SAMTOR: variants seen among roughly 807,000 people sequenced by gnomAD.
The protein encoded by SAMTOR is UPF0532 protein C7orf60.
chr7:112,882,852 T>C, the SAMTOR span, among the ~76,000 whole-genome samples: 1 of 149,470 alleles, frequency 6.7e-6, no homozygotes. Flanking sequence ...TCACCTCCAA[T>C]ATTAAAAAGT....
the SAMTOR span, chr7:112,832,664 G>T: frequency 1.3e-6 from 2 of 1,597,204 alleles, no homozygotes; most frequent in Non-Finnish European, 1.7e-6. Flanking sequence ...TTTTCCTGAG[G>T]CTTGTAGCAA....
the SAMTOR span, among the ~76,000 whole-genome samples, chr7:112,879,230 C>A: frequency 1.3e-5 from 2 of 149,434 alleles, no homozygotes; most frequent in East Asian, 2.0e-4. Flanking sequence ...GAGGTCTGAA[C>A]TGAAGACAGA....
chr7:112,918,133 GA>G, the SAMTOR span, among the ~76,000 whole-genome samples: 3 of 152,102 alleles, frequency 2.0e-5, no homozygotes, highest in African/African-American at 7.2e-5. Context: ...GCAACTCCAA[GA>G]CACATAGTTG....
chr7:112,917,430 C>T, the SAMTOR span, among the ~76,000 whole-genome samples: 1 of 152,196 alleles, frequency 6.6e-6, no homozygotes, highest in African/African-American at 2.4e-5. Context: ...AGGACATCCA[C>T]ACCAAAAACC....
At chr7:112,933,468 C>G in the SAMTOR span, among the ~76,000 whole-genome samples, 3 of 152,168 alleles carry the variant, frequency 2.0e-5, no homozygotes, top group East Asian at 5.8e-4. Context: ...GCTCCTTACA[C>G]AGTGGTGCAG....
chr7:112,897,528 T>C, the SAMTOR span, among the ~76,000 whole-genome samples: 2 of 152,150 alleles, frequency 1.3e-5, no homozygotes, highest in African/African-American at 2.4e-5. Flanking sequence ...CATAGAATAA[T>C]GACAATCATC....
chr7:112,928,861 C>G, the SAMTOR span, among the ~76,000 whole-genome samples: 2 of 151,796 alleles, frequency 1.3e-5, no homozygotes, highest in African/African-American at 2.4e-5. Context: ...AGCTGACAGT[C>G]CAGTCATATC....
chr7:112,907,039 C>T, the SAMTOR span, among the ~76,000 whole-genome samples: 8 of 152,020 alleles, frequency 5.3e-5, no homozygotes, highest in East Asian at 1.4e-3. Flanking sequence ...ACCAAGAAAA[C>T]CCTGAAAAAG....
chr7:112,904,384 CAAG>C, the SAMTOR span, among the ~76,000 whole-genome samples: 1 of 151,872 alleles, frequency 6.6e-6, no homozygotes, highest in Non-Finnish European at 1.5e-5. Context: ...TAACCAAAAA[CAAG>C]AAATCCATTC....
chr7:112,857,616 A>G, the SAMTOR span, among the ~76,000 whole-genome samples: 1 of 152,350 alleles, frequency 6.6e-6, no homozygotes, highest in African/African-American at 2.4e-5. Flanking sequence ...AAAATGAAAA[A>G]GTTTCAGAGC....
the SAMTOR span, among the ~76,000 whole-genome samples, chr7:112,911,094 C>T: frequency 2.0e-5 from 3 of 152,078 alleles, no homozygotes; most frequent in Admixed American, 2.0e-4. Context: ...AGGGAAATGG[C>T]AGAGCTTTTA....
the SAMTOR span, among the ~76,000 whole-genome samples, chr7:112,937,061 A>C: frequency 6.6e-6 from 1 of 152,224 alleles, no homozygotes; most frequent in Non-Finnish European, 1.5e-5. Flanking sequence ...TTATCTGTAA[A>C]ATGAAGAAGC....
the SAMTOR span, among the ~76,000 whole-genome samples, chr7:112,855,256 A>G: frequency 6.6e-6 from 1 of 152,232 alleles, no homozygotes; most frequent in Non-Finnish European, 1.5e-5. Context: ...ATACAATGGA[A>G]ATATATACTA....
At chr7:112,839,850 C>T in the SAMTOR span, among the ~76,000 whole-genome samples, 2 of 151,782 alleles carry the variant, frequency 1.3e-5, no homozygotes, top group African/African-American at 4.8e-5. Flanking sequence ...TATTTTCCTA[C>T]TAAATCACAC....
the SAMTOR span, among the ~76,000 whole-genome samples, chr7:112,921,045 C>T: frequency 3.3e-5 from 5 of 152,232 alleles, no homozygotes; most frequent in South Asian, 2.1e-4. Context: ...AGATTCAATG[C>T]CATCCCCATC....
the SAMTOR span, among the ~76,000 whole-genome samples, chr7:112,837,391 T>C: frequency 6.6e-6 from 1 of 152,066 alleles, no homozygotes; most frequent in East Asian, 1.9e-4. Context: ...ACAGAGATAG[T>C]TGGACTTCTC....
the SAMTOR span, among the ~76,000 whole-genome samples, chr7:112,842,443 C>T: frequency 1.8e-4 from 28 of 151,926 alleles, no homozygotes; most frequent in African/African-American, 6.8e-4. Context: ...TCAACAGAAG[C>T]TTTGTGCTTT....
the SAMTOR span, among the ~76,000 whole-genome samples, chr7:112,843,396 A>T: frequency 6.6e-6 from 1 of 152,050 alleles, no homozygotes; most frequent in African/African-American, 2.4e-5. Context: ...AGTGATGAGA[A>T]TAAGTATTCT....
chr7:112,821,918 T>C, the SAMTOR span: 1 of 1,612,998 alleles, frequency 6.2e-7, no homozygotes, highest in Non-Finnish European at 8.5e-7. Context: ...ATTCCTCATC[T>C]TCTATACTGT....
Sources: allele counts gnomAD v4.1 joint callset (sites outside exome capture counted in the v4.1 genomes callset), GRCh38; gene constraint gnomAD v4.1.1; transcripts MANE v1.5; gene names NCBI Gene and HGNC (gene_info 2026-07-23, HGNC 2026-07-21).